Variants in NT5DC3 observed in about 807,000 individuals in gnomAD.
NT5DC3 encodes 5'-nucleotidase domain containing 3.
NT5DC3 carries 42 observed loss-of-function variants against 67.8 expected under a neutral mutation model. The ratio of observed to expected loss-of-function variants is 0.62; its 90% confidence interval spans 0.48 to 0.80. The LOEUF is 0.80. NT5DC3 is among the 30% of genes least tolerant of loss of function. NT5DC3 has a pLI of 0.00. For synonymous variants in NT5DC3, 237 were observed against 255.6 expected, an observed-to-expected ratio of 0.93 and a Z score of 0.69; for missense variants, 570 against 696.4, an observed-to-expected ratio of 0.82 and a Z score of 2.04.
At chr12:103,838,273 A>T (rs1888235678) in intron 1 of NT5DC3, among the ~76,000 whole-genome samples, 1 of 152,176 alleles carries the variant, frequency 6.6e-6, no homozygotes, top group Non-Finnish European at 1.5e-5. Context: ...TTTGGTGGGG[A>T]CACAGCCAAA....
At chr12:103,754,676 G>A in the NT5DC3 span, among the ~76,000 whole-genome samples, 52 of 152,096 alleles carry the variant, frequency 3.4e-4, no homozygotes, top group Non-Finnish European at 1.0e-4. Flanking sequence ...TAGGCCAGGC[G>A]TGGTGACTCA....
chr12:103,752,649 G>GT, the NT5DC3 span, among the ~76,000 whole-genome samples: 4 of 152,074 alleles, frequency 2.6e-5, no homozygotes, highest in African/African-American at 9.7e-5. Flanking sequence ...ACTTTAATGT[G>GT]TTTTTTATAG....
At chr12:103,801,240 C>T (rs1470732748) in intron 4 of NT5DC3, among the ~76,000 whole-genome samples, 1 of 151,992 alleles carries the variant, frequency 6.6e-6, no homozygotes, top group African/African-American at 2.4e-5. Context: ...GAAAGGGACA[C>T]TTTCTTCCCA....
chr12:103,778,042 G>T lies in NT5DC3; in HGVS notation c.1434C>A (p.Ser478Arg). The change falls in exon 14 of 14, where the codon AGC (serine) becomes AGA (arginine). Residue 478 changes from serine to arginine, a missense_variant. Physicochemically the swap from Ser to Arg is moderately radical, Grantham distance 110. Coordinates refer to ENST00000392876, the MANE Select transcript of NT5DC3 (RefSeq NM_001031701.3). ...TKSFFNAQFG[S>R]LFRTDQNPTY... ...TTGGGTTCTGGTCTGTGCGGAACAG[G>T]CTTCCAAACTGGGCATTGAAGAAAC... 6.2e-7 allele frequency: 1 copy of T among 1,613,982 alleles called. No homozygotes were observed. Among genetic ancestry groups the T allele is most frequent in the Non-Finnish European group, 8.5e-7 (1 of 1,179,928 alleles).
At chr12:103,833,100 T>G (rs1241006641) in intron 1 of NT5DC3, among the ~76,000 whole-genome samples, 1 of 152,186 alleles carries the variant, frequency 6.6e-6, no homozygotes, top group African/African-American at 2.4e-5. Flanking sequence ...ACTTCCCAAG[T>G]ATATTCTGTC....
rs1008241357 is a variant in NT5DC3, at chr12:103,840,953, T to C, written c.204A>G (p.Thr68=). ...WERYREAKRS[T]EELVPSIMSN... ...CGGGGTCGCCGCCTCACTCACCTTC[T>C]GTGCTTCTCTTCGCCTCCCGGTAGC... is the stretch of plus-strand genomic sequence containing the variant. The change falls in exon 1 of 14, where the codon ACA becomes ACG. Residue 68 remains threonine, a synonymous_variant. Coordinates refer to ENST00000392876, the MANE Select transcript of NT5DC3 (RefSeq NM_001031701.3). The C allele has an allele frequency of 1.5e-6, 2 of 1,354,798 alleles. No individual in the cohort carries two copies. Among genetic ancestry groups the C allele is most frequent in the East Asian group, 6.2e-5 (2 of 32,420 alleles). The allele number at this position is 1,354,798 out of a possible 1,614,324, so 83.9% of individuals were successfully genotyped here.
chr12:103,806,798 G>A, intron 3 of NT5DC3, 57 bp downstream of exon 3: 1 of 1,128,424 alleles, frequency 8.9e-7, no homozygotes, highest in Non-Finnish European at 1.3e-6. Flanking sequence ...AGTACCAACA[G>A]TACATTTCAT....
At position 103,841,000 on chromosome 12, in the gene NT5DC3, T is replaced by A; in HGVS notation, c.157A>T (p.Met53Leu). Reference protein sequence around the residue: ...LCTAPGTAPDMKRYLWERYRE... With the variant: ...LCTAPGTAPDLKRYLWERYRE... ...TAGCGCTCCCACAGGTAGCGCTTCA[T>A]GTCCGGGGCGGTCCCGGGTGCAGTG... Residue 53 changes from methionine to leucine, a missense_variant, in exon 1 of 14, where the codon ATG becomes TTG. Transcript: ENST00000392876. 2 of 1,311,222 alleles carry A rather than the reference T, an allele frequency of 1.5e-6. No individual in the cohort carries two copies. Among genetic ancestry groups the A allele is most frequent in the Non-Finnish European group, 1.9e-6 (2 of 1,025,768 alleles). 81.2% of individuals were successfully genotyped at this position (1,311,222 alleles called of 1,614,324 possible).
At chr12:103,754,229 C>T in the NT5DC3 span, among the ~76,000 whole-genome samples, 1 of 152,116 alleles carries the variant, frequency 6.6e-6, no homozygotes, top group Admixed American at 6.5e-5. Context: ...GCTTGCTGGT[C>T]ATGTGGCCTT....
At chr12:103,835,813 G>A (rs536607407) in intron 1 of NT5DC3, among the ~76,000 whole-genome samples, 69 of 152,160 alleles carry the variant, frequency 4.5e-4, no homozygotes, top group African/African-American at 1.5e-3. Context: ...CTGGTCCAAC[G>A]GTATATCAGT....
At chr12:103,766,514 A>C, downstream of NT5DC3, 1 of 661,022 alleles carries the variant, frequency 1.5e-6, no homozygotes, top group Non-Finnish European at 2.5e-6. Flanking sequence ...TGCTGTGCCC[A>C]CCCAGTACAG....
At chr12:103,782,773 G>C (rs910737983) in intron 12 of NT5DC3, among the ~76,000 whole-genome samples, 1 of 152,164 alleles carries the variant, frequency 6.6e-6, no homozygotes, top group Admixed American at 6.5e-5. Flanking sequence ...CACTCTGTGA[G>C]GTCAGGAGTT....
chr12:103,748,826 T>C, the NT5DC3 span: 1 of 847,760 alleles, frequency 1.2e-6, no homozygotes, highest in African/African-American at 1.7e-5. Context: ...CCACAGGGCA[T>C]GGAGAGAGAA....
chr12:103,760,387 C>T, the NT5DC3 span, among the ~76,000 whole-genome samples: 10 of 152,080 alleles, frequency 6.6e-5, no homozygotes, highest in South Asian at 4.1e-4. Flanking sequence ...CAGCCTCCCG[C>T]GTAGCTGGGA....
At chr12:103,825,363 C>T (rs1441864855) in intron 1 of NT5DC3, among the ~76,000 whole-genome samples, 4 of 152,100 alleles carry the variant, frequency 2.6e-5, no homozygotes, top group Non-Finnish European at 5.9e-5. Flanking sequence ...AAACTACATA[C>T]AACTACATTT....
intron 11 of NT5DC3, among the ~76,000 whole-genome samples, chr12:103,787,195 C>T (rs1291289988): frequency 1.7e-5 from 1 of 59,606 alleles, no homozygotes; most frequent in Admixed American, 2.1e-4. Flanking sequence ...TCTGAGTGAA[C>T]TTATTTCCAT....
At chr12:103,787,781 A>G (rs1885859400) in intron 10 of NT5DC3, among the ~76,000 whole-genome samples, 1 of 152,226 alleles carries the variant, frequency 6.6e-6, no homozygotes, top group Non-Finnish European at 1.5e-5. Flanking sequence ...TCCCATGTCA[A>G]TAGTCTACCA....
intron 4 of NT5DC3, among the ~76,000 whole-genome samples, chr12:103,803,866 C>CT (rs1218882025): frequency 1.6e-5 from 2 of 126,886 alleles, no homozygotes. Context: ...ACCACCCCCC[C>CT]CCCAAAAAAA....
intron 1 of NT5DC3, among the ~76,000 whole-genome samples, chr12:103,831,868 C>T (rs1005421508): frequency 1.3e-5 from 2 of 149,196 alleles, no homozygotes; most frequent in Admixed American, 6.7e-5. Flanking sequence ...CTTCACTTCC[C>T]GGGTTCAAGC....
Sources: allele counts gnomAD v4.1 joint callset (sites outside exome capture counted in the v4.1 genomes callset), GRCh38; gene constraint gnomAD v4.1.1; transcripts MANE v1.5; gene names NCBI Gene and HGNC (gene_info 2026-07-23, HGNC 2026-07-21).